Variants in SUCLG2 observed in about 807,000 individuals in gnomAD.
SUCLG2 encodes the protein succinate-CoA ligase GDP-forming subunit beta, also known as succinate--CoA ligase [GDP-forming] subunit beta, mitochondrial.
Under a neutral mutation model 47.9 loss-of-function variants are expected in SUCLG2, and 42 were observed. The observed-to-expected ratio is 0.88, with a 90% CI of 0.69 to 1.14. The LOEUF is 1.14. Among genes scored for constraint, SUCLG2 ranks in the 50% most tolerant of loss-of-function variants. SUCLG2 has a pLI of 0.00. For missense variants in SUCLG2, 571 were observed against 525.9 expected (o/e 1.09, Z -0.84); for synonymous variants, 195 against 197.3 (o/e 0.99, Z 0.10).
At chr3:67,362,160 T>C (rs1701811132) in intron 10 of SUCLG2, among the ~76,000 whole-genome samples, 1 of 152,186 alleles carries the variant, frequency 6.6e-6, no homozygotes, top group African/African-American at 2.4e-5. Context: ...ATCAATCTGA[T>C]ATACTTTCCA....
intron 2 of SUCLG2, among the ~76,000 whole-genome samples, chr3:67,540,999 A>T (rs1395901507): frequency 6.6e-6 from 1 of 152,248 alleles, no homozygotes; most frequent in Non-Finnish European, 1.5e-5. Flanking sequence ...AACAGAAAGG[A>T]ATAGTATAAA....
intron 1 of SUCLG2, among the ~76,000 whole-genome samples, chr3:67,626,854 C>T (rs971560747): frequency 4.5e-5 from 6 of 132,676 alleles, no homozygotes; most frequent in African/African-American, 1.8e-4. Flanking sequence ...GCGGAGCTTG[C>T]AGTGAGCCGA....
chr3:67,539,531 G>T (rs992526730), intron 2 of SUCLG2, among the ~76,000 whole-genome samples: 4 of 152,008 alleles, frequency 2.6e-5, no homozygotes, highest in African/African-American at 7.3e-5. Context: ...TTTTTTTGTT[G>T]TGTCTCTGCC....
At chr3:67,500,253 T>TA (rs1705460349) in intron 7 of SUCLG2, among the ~76,000 whole-genome samples, 1 of 152,134 alleles carries the variant, frequency 6.6e-6, no homozygotes, top group Non-Finnish European at 1.5e-5. Flanking sequence ...ATCTTGGCGT[T>TA]AGAGACCCCA....
intron 2 of SUCLG2, among the ~76,000 whole-genome samples, chr3:67,607,348 T>G (rs530467732): frequency 6.6e-6 from 1 of 152,324 alleles, no homozygotes; most frequent in African/African-American, 2.4e-5. Context: ...TTGATAACTT[T>G]TTATATTAAT....
intron 1 of SUCLG2, among the ~76,000 whole-genome samples, chr3:67,646,164 G>C (rs904294456): frequency 6.6e-6 from 1 of 151,870 alleles, no homozygotes; most frequent in South Asian, 2.1e-4. Context: ...CCACTCCCCA[G>C]ACACTGTACC....
chr3:67,380,339 G>GC lies in SUCLG2; in HGVS notation c.1184-4481dup, dbSNP rs1302884511. 2.6e-4 allele frequency among the ~76,000 whole-genome samples: 40 copies of GC among 152,140 alleles called. 1 individual carries two copies. In the East Asian group the frequency reaches 7.8e-3, roughly 29 times the overall value. ...GCTTCAAGTGCCCCAGTCAAGTGAGGCCTTGCTCCAGGCTAACACTGGTGG... is the reference window on the plus strand; with the variant it reads ...GCTTCAAGTGCCCCAGTCAAGTGAGGCCCTTGCTCCAGGCTAACACTGGTGG... On this transcript the variant is annotated intron_variant, in intron 10 of 10. Coordinates refer to ENST00000307227, the MANE Select transcript of SUCLG2 (RefSeq NM_003848.4).
intron 1 of SUCLG2, among the ~76,000 whole-genome samples, chr3:67,624,242 T>C (rs55933747): frequency 3.3e-5 from 5 of 152,116 alleles, no homozygotes; most frequent in Admixed American, 3.3e-4. Flanking sequence ...TCACACTGGC[T>C]TGCCAAAGAA....
At chr3:67,453,179 C>T (rs1704098033) in intron 9 of SUCLG2, among the ~76,000 whole-genome samples, 1 of 151,960 alleles carries the variant, frequency 6.6e-6, no homozygotes, top group Non-Finnish European at 1.5e-5. Context: ...TTTTCCTTTT[C>T]ACAGGAATAA....
At chr3:67,649,387 T>C (rs188753313) in intron 1 of SUCLG2, among the ~76,000 whole-genome samples, 47 of 152,382 alleles carry the variant, frequency 3.1e-4, no homozygotes, top group African/African-American at 9.9e-4. Flanking sequence ...AAGAATGAGC[T>C]GTAATAAGCA....
chr3:67,532,934 T>G (rs1429114353), intron 2 of SUCLG2, among the ~76,000 whole-genome samples: 1 of 152,288 alleles, frequency 6.6e-6, no homozygotes, highest in East Asian at 1.9e-4. Context: ...AATAGTCACA[T>G]GCTAGATAAT....
At chr3:67,563,438 G>A (rs2107220623) in intron 2 of SUCLG2, among the ~76,000 whole-genome samples, 1 of 152,264 alleles carries the variant, frequency 6.6e-6, no homozygotes, top group Non-Finnish European at 1.5e-5. Flanking sequence ...AGAAAAATGA[G>A]ACAGTGAGGA....
At chr3:67,549,763 A>G (rs1706962667) in intron 2 of SUCLG2, among the ~76,000 whole-genome samples, 1 of 152,210 alleles carries the variant, frequency 6.6e-6, no homozygotes, top group Admixed American at 6.5e-5. Flanking sequence ...TACATATACA[A>G]ATCTATAACT....
intron 9 of SUCLG2, among the ~76,000 whole-genome samples, chr3:67,434,212 A>G (rs1213715524): frequency 6.6e-6 from 1 of 152,196 alleles, no homozygotes; most frequent in Non-Finnish European, 1.5e-5. Context: ...CAAGAAATTG[A>G]TGCTGCTAAA....
intron 2 of SUCLG2, among the ~76,000 whole-genome samples, chr3:67,597,230 T>G (rs903028870): frequency 1.3e-5 from 2 of 152,198 alleles, no homozygotes; most frequent in Non-Finnish European, 2.9e-5. Context: ...GTGTCCCTTC[T>G]TAATTTCCCA....
chr3:67,478,281 T>C (rs1235813089), intron 9 of SUCLG2, among the ~76,000 whole-genome samples: 1 of 152,200 alleles, frequency 6.6e-6, no homozygotes, highest in Non-Finnish European at 1.5e-5. Flanking sequence ...TGCTGAGCAC[T>C]TCACGTGTTA....
intron 1 of SUCLG2, among the ~76,000 whole-genome samples, chr3:67,648,509 A>C (rs1184604903): frequency 6.6e-6 from 1 of 152,220 alleles, no homozygotes; most frequent in East Asian, 1.9e-4. Flanking sequence ...TAAGTCCTTT[A>C]TCAGCATGAG....
chr3:67,640,193 A>G (rs565370465), intron 1 of SUCLG2, among the ~76,000 whole-genome samples: 2 of 152,336 alleles, frequency 1.3e-5, no homozygotes, highest in East Asian at 3.9e-4. Flanking sequence ...ACTCACTGGT[A>G]TTGGATGCTG....
intron 1 of SUCLG2, among the ~76,000 whole-genome samples, chr3:67,639,135 G>C (rs138564065): frequency 2.6e-5 from 4 of 152,236 alleles, no homozygotes; most frequent in Admixed American, 6.5e-5. Flanking sequence ...AGAAAGCTCT[G>C]TCAAGGCTTT....
Sources: allele counts gnomAD v4.1 joint callset (sites outside exome capture counted in the v4.1 genomes callset), GRCh38; gene constraint gnomAD v4.1.1; transcripts MANE v1.5; gene names NCBI Gene and HGNC (gene_info 2026-07-23, HGNC 2026-07-21).